Variants in TMEM263 observed in about 807,000 individuals in gnomAD.
The protein encoded by TMEM263 is transmembrane protein 263.
In TMEM263, 5 loss-of-function variants were observed where a neutral mutation model predicts 8.6. The observed-to-expected ratio is 0.58, with a 90% CI of 0.31 to 1.23. The LOEUF (loss-of-function observed/expected upper bound fraction) is 1.23, where lower values mean the gene tolerates loss of function less well. Among genes scored for constraint, TMEM263 ranks in the 50% most tolerant of loss-of-function variants. The pLI, the probability that TMEM263 is intolerant of heterozygous loss-of-function variation, is 0.07. For missense variants in TMEM263, 104 were observed against 138.8 expected, an observed-to-expected ratio of 0.75 and a Z score of 1.26; for synonymous variants, 50 against 47.9, an observed-to-expected ratio of 1.04 and a Z score of -0.18.
intron 2 of TMEM263, chr12:106,959,223 A>G (rs977189084): frequency 2.0e-5 from 3 of 152,180 alleles, no homozygotes; most frequent in Admixed American, 6.5e-5. Context: ...ACTTAAGGGT[A>G]ACATTTAAAA....
chr12:106,961,224 A>ATTTTTTTTTTTTTTTTTTTTTTTTTTT (rs554707654), intron 2 of TMEM263, among the ~76,000 whole-genome samples: 1 of 75,130 alleles, frequency 1.3e-5, no homozygotes, highest in African/African-American at 6.1e-5. Flanking sequence ...TGCCCAGTCA[A>ATTTTTTTTTTTTTTTTTTTTTTTTTTT]TTTTTTTTTT....
At position 106,971,124 on chromosome 12, in the gene TMEM263, A is replaced by T; in HGVS notation, c.84A>T (p.Pro28=). Reference sequence around the variant, plus strand: ...CATTAGGTTCAATGAAAGATCACCCACAGCAGCAGCCAGGCATGTTGTCCC... The same window carrying T: ...CATTAGGTTCAATGAAAGATCACCCTCAGCAGCAGCCAGGCATGTTGTCCC... The part of the protein sequence containing the change: ...EPPEGSMKDH[P]QQQPGMLSRV... The change falls in exon 4 of 4, where the codon CCA becomes CCT. Residue 28 remains proline, a synonymous_variant. Coordinates refer to ENST00000280756, the MANE Select transcript of TMEM263 (RefSeq NM_152261.4). 1 of 1,614,158 alleles carries T rather than the reference A, an allele frequency of 6.2e-7. No homozygotes were observed. The highest frequency in any genetic ancestry group is 8.5e-7 in the Non-Finnish European group (1 of 1,180,026).
intron 2 of TMEM263, among the ~76,000 whole-genome samples, chr12:106,958,090 G>T (rs183304786): frequency 2.6e-5 from 4 of 152,290 alleles, no homozygotes; most frequent in Admixed American, 6.5e-5. Context: ...ATATGTAGAA[G>T]AATTTAGCTA....
At chr12:106,961,240 T>A (rs1221788714) in intron 2 of TMEM263, among the ~76,000 whole-genome samples, 2 of 74,154 alleles carry the variant, frequency 2.7e-5, no homozygotes, top group Non-Finnish European at 6.7e-5. Flanking sequence ...TTTTTTTTTT[T>A]TTTTTTTTTT....
At chr12:106,957,238 T>C in intron 2 of TMEM263, 89 bp downstream of exon 2, 1 of 902,784 alleles carries the variant, frequency 1.1e-6, no homozygotes, top group East Asian at 1.2e-4. Flanking sequence ...GCGCCCATGC[T>C]TAACTTTTTA....
rs369541988 is a variant in TMEM263 at position 106,971,411 on chromosome 12, G to T, written c.*20G>T. ...GACTGAAATATAGAGATACACTTGC[G>T]CTCCACAGCACTGTAATGCCAGTGG... is the stretch of plus-strand genomic sequence containing the variant. On this transcript the variant is annotated 3_prime_UTR_variant, in exon 4 of 4. Transcript: ENST00000280756. 6.6e-5 allele frequency: 103 copies of T among 1,571,788 alleles called. No homozygotes were observed. The highest frequency in any genetic ancestry group is 5.7e-4 in the Admixed American group (32 of 56,218).
intron 3 of TMEM263, among the ~76,000 whole-genome samples, chr12:106,969,330 A>C (rs1249058687): frequency 6.6e-6 from 1 of 152,122 alleles, no homozygotes; most frequent in Non-Finnish European, 1.5e-5. Context: ...CCAGTAATTT[A>C]CCCCTCTTTT....
Position 106,960,488 on chromosome 12 carries a change from G to T in TMEM263, c.-7+3339G>T, listed in dbSNP as rs191568000. On this transcript the variant is annotated intron_variant, in intron 2 of 3. Transcript: ENST00000280756. The stretch of plus-strand genomic sequence containing the variant: ...TTTCTTGTTTATTGATAATCCTATT[G>T]GTAACTACTGCTAATAAATTTTAAA... Among the ~76,000 whole-genome samples, 145 of 152,052 alleles carry T rather than the reference G, an allele frequency of 9.5e-4. 2 individuals carry two copies. The South Asian group carries it at 0.016, about 17-fold the overall frequency.
At chr12:106,971,063 G>A (rs1593472347) in intron 3 of TMEM263, 42 bp from the exon 4 acceptor site, 1 of 1,598,736 alleles carries the variant, frequency 6.3e-7, no homozygotes, top group East Asian at 2.2e-5. Context: ...TTAAAGACTT[G>A]TGACTTATAT....
intron 2 of TMEM263, among the ~76,000 whole-genome samples, chr12:106,965,622 AT>A (rs1394225638): frequency 4.7e-5 from 7 of 149,708 alleles, no homozygotes; most frequent in East Asian, 2.0e-4. Flanking sequence ...AAAAAAAAAA[AT>A]CACACAAAAA....
intron 2 of TMEM263, among the ~76,000 whole-genome samples, chr12:106,957,612 AAT>A (rs1235592786): frequency 6.6e-6 from 1 of 152,242 alleles, no homozygotes; most frequent in Non-Finnish European, 1.5e-5. Context: ...CTCAGTGCCT[AAT>A]AGAATGTTTG....
intron 3 of TMEM263, among the ~76,000 whole-genome samples, chr12:106,968,461 C>A (rs980163467): frequency 6.6e-6 from 1 of 152,024 alleles, no homozygotes; most frequent in Non-Finnish European, 1.5e-5. Flanking sequence ...AGGTCTTTTC[C>A]ATGCCTTACA....
intron 2 of TMEM263, 37 bp from the exon 3 acceptor site, chr12:106,967,073 AG>A (rs1481064911): frequency 7.5e-7 from 1 of 1,338,278 alleles, no homozygotes; most frequent in African/African-American, 1.5e-5. Context: ...TCACATGTTG[AG>A]GTTAAAATGA....
Position 106,972,861 on chromosome 12 carries a change from T to G in TMEM263, c.*1470T>G, listed in dbSNP as rs1173181373. The G allele has an allele frequency of 1.2e-5, 1 of 81,866 alleles. No individual in the cohort carries two copies. The highest frequency in any genetic ancestry group is 2.1e-5 in the Non-Finnish European group (1 of 47,984). The allele number at this position is 81,866 out of a possible 1,614,324, so 5.1% of individuals were successfully genotyped here. On this transcript the variant is annotated 3_prime_UTR_variant, in exon 4 of 4. Transcript: ENST00000280756. ...GGAAATTTGTCTCCATTCTGCCACC[T>G]TTTTTTTTTTTTTTTTTTATAGTGG...
intron 2 of TMEM263, among the ~76,000 whole-genome samples, chr12:106,966,710 TA>T (rs35123280): frequency 0.14 from 20,706 of 152,178 alleles, 1,992 homozygotes; most frequent in African/African-American, 0.26. Flanking sequence ...CTTTTTTCTT[TA>T]AGTCTATTGT....
intron 2 of TMEM263, among the ~76,000 whole-genome samples, chr12:106,962,781 A>G (rs772382690): frequency 9.2e-5 from 14 of 152,224 alleles, no homozygotes; most frequent in Non-Finnish European, 1.6e-4. Context: ...CTCTGTGTTC[A>G]TCATCTCTGT....
In TMEM263 at chr12:106,971,734, A is replaced by G. The variant is rs1418632028; in HGVS notation, c.*343A>G. 2 of 182,520 alleles carry G rather than the reference A, an allele frequency of 1.1e-5. No homozygotes were observed. The highest frequency in any genetic ancestry group is 2.3e-5 in the Non-Finnish European group (2 of 87,908). The allele number at this position is 182,520 out of a possible 1,614,324, so 11.3% of individuals were successfully genotyped here. On this transcript the variant is annotated 3_prime_UTR_variant, in exon 4 of 4. Coordinates refer to ENST00000280756, the MANE Select transcript of TMEM263 (RefSeq NM_152261.4). ...ATGATCTTCACAGTTCCATATGTAT[A>G]ATGTGCCAGGTAACTCACCTGCCCC...
At chr12:106,966,846 A>T (rs1213410407) in intron 2 of TMEM263, 3 of 333,730 alleles carry the variant, frequency 9.0e-6, no homozygotes, top group Non-Finnish European at 1.6e-5. Flanking sequence ...CACCACAGTA[A>T]CAACATAGGA....
chr12:106,961,872 C>G (rs565024557), intron 2 of TMEM263, among the ~76,000 whole-genome samples: 1 of 152,050 alleles, frequency 6.6e-6, no homozygotes, highest in Non-Finnish European at 1.5e-5. Context: ...CTCAGTGATA[C>G]CATTTTCTTA....
Sources: gnomAD v4.1 joint callset for allele counts (sites outside exome capture counted in the v4.1 genomes callset) on GRCh38, gnomAD v4.1.1 for gene constraint, MANE v1.5 for transcripts, NCBI Gene and HGNC (gene_info 2026-07-23, HGNC 2026-07-21) for gene names.